The following NFATC3 variants were observed in gnomAD, a reference collection of about 807,000 sequenced individuals.
The protein encoded by NFATC3 is nuclear factor of activated T cells 3.
Under a neutral mutation model 98.6 loss-of-function variants are expected in NFATC3, and 46 were observed. That is an observed-to-expected ratio of 0.47 (90% CI 0.37 to 0.60). The LOEUF is 0.60. Ranked by LOEUF, NFATC3 falls within the 20% of genes least tolerant of loss-of-function variation. The pLI, the probability that NFATC3 is intolerant of heterozygous loss-of-function variation, is 0.00. For synonymous variants in NFATC3, 512 were observed against 472.2 expected (o/e 1.08, Z -1.09); for missense variants, 1,256 against 1,295.5 (o/e 0.97, Z 0.47).
chr16:68,160,270 C>T (rs547928568), intron 4 of NFATC3, among the ~76,000 whole-genome samples: 33 of 151,958 alleles, frequency 2.2e-4, no homozygotes, highest in South Asian at 4.2e-4. Context: ...TCGAGACCAG[C>T]GTGGCCAATA....
chr16:68,139,152 G>A (rs2037614132), intron 3 of NFATC3, among the ~76,000 whole-genome samples: 1 of 152,170 alleles, frequency 6.6e-6, no homozygotes, highest in Non-Finnish European at 1.5e-5. Context: ...TTAGAATATA[G>A]TAAGTGCTAT....
intron 9 of NFATC3, among the ~76,000 whole-genome samples, chr16:68,196,513 A>G (rs1336166668): frequency 6.6e-6 from 1 of 152,184 alleles, no homozygotes; most frequent in Non-Finnish European, 1.5e-5. Flanking sequence ...CTAGAAAAAA[A>G]AGTTCTGCAA....
At chr16:68,165,153 G>A (rs1046836942) in intron 4 of NFATC3, among the ~76,000 whole-genome samples, 2 of 152,048 alleles carry the variant, frequency 1.3e-5, no homozygotes, top group African/African-American at 4.8e-5. Flanking sequence ...ATGTTAACAT[G>A]AATAATCACT....
At chr16:68,183,462 G>C in intron 8 of NFATC3, 96 bp downstream of exon 8, 1 of 1,375,344 alleles carries the variant, frequency 7.3e-7, no homozygotes, top group South Asian at 1.3e-5. Context: ...AAGGTAGAGT[G>C]CTTATAAACA....
intron 8 of NFATC3, among the ~76,000 whole-genome samples, chr16:68,185,606 T>C (rs1043889765): frequency 6.6e-6 from 1 of 151,396 alleles, no homozygotes; most frequent in African/African-American, 2.4e-5. Context: ...CCGGGCGCGG[T>C]GGCTCACACC....
At chr16:68,099,550 G>A (rs1276797176) in intron 1 of NFATC3, among the ~76,000 whole-genome samples, 1 of 151,730 alleles carries the variant, frequency 6.6e-6, no homozygotes, top group Non-Finnish European at 1.5e-5. Flanking sequence ...GCAGTGAGCT[G>A]AGATTGGGCC....
chr16:68,207,527 G>A lies in NFATC3; in HGVS notation c.3106+15752G>A, dbSNP rs192945568. On this transcript the variant is annotated intron_variant, in intron 9 of 9. Transcript: ENST00000346183. ...CACCCAGGCTGGAGTGCAGTGGTGCGATCTGGGCTCACTGAAGTCTCTGCC... is the reference window on the plus strand; with the variant it reads ...CACCCAGGCTGGAGTGCAGTGGTGCAATCTGGGCTCACTGAAGTCTCTGCC... Among the ~76,000 whole-genome samples the A allele has an allele frequency of 8.9e-4, 135 of 152,260 alleles. No individual in the cohort carries two copies. In the East Asian group the frequency reaches 0.012, roughly 13 times the overall value.
At chr16:68,155,206 A>C (rs1047833353) in intron 3 of NFATC3, among the ~76,000 whole-genome samples, 1 of 152,116 alleles carries the variant, frequency 6.6e-6, no homozygotes, top group African/African-American at 2.4e-5. Flanking sequence ...CGGGAATAAA[A>C]CTCACCTGTA....
chr16:68,129,448 C>T (rs1183995735), intron 3 of NFATC3, among the ~76,000 whole-genome samples: 1 of 152,118 alleles, frequency 6.6e-6, no homozygotes, highest in Non-Finnish European at 1.5e-5. Flanking sequence ...AGTTCTTTAT[C>T]AGTCTTTCCC....
chr16:68,086,264 A>G (rs1264542284), intron 1 of NFATC3, among the ~76,000 whole-genome samples: 1 of 152,170 alleles, frequency 6.6e-6, no homozygotes, highest in Non-Finnish European at 1.5e-5. Context: ...TAGAAGAGTA[A>G]TGCTTTCGAG....
intron 4 of NFATC3, among the ~76,000 whole-genome samples, chr16:68,165,688 A>C (rs886140755): frequency 2.0e-5 from 3 of 151,722 alleles, no homozygotes; most frequent in Admixed American, 6.6e-5. Flanking sequence ...GAGCTACTGC[A>C]CCCGGCCGGT....
intron 1 of NFATC3, among the ~76,000 whole-genome samples, chr16:68,121,147 G>C (rs1340463910): frequency 6.6e-6 from 1 of 150,896 alleles, no homozygotes; most frequent in Non-Finnish European, 1.5e-5. Flanking sequence ...TTTGGATAAG[G>C]GATATTCAGC....
chr16:68,086,920 C>A, intron 1 of NFATC3: 1 of 454,828 alleles, frequency 2.2e-6, no homozygotes, highest in Non-Finnish European at 2.9e-6. Context: ...ATAATTTGAG[C>A]ACCTATTACG....
chr16:68,138,622 T>A (rs1270335204), intron 3 of NFATC3: 4 of 1,289,134 alleles, frequency 3.1e-6, no homozygotes, highest in Non-Finnish European at 4.0e-6. Flanking sequence ...TACATTAACC[T>A]GGAAATTACT....
chr16:68,115,648 C>T (rs1419161640), intron 1 of NFATC3, among the ~76,000 whole-genome samples: 2 of 152,144 alleles, frequency 1.3e-5, no homozygotes, highest in Non-Finnish European at 2.9e-5. Context: ...TGGTCTTGGA[C>T]TCCTGATCTC....
In NFATC3 at chr16:68,112,760, G is replaced by A. The variant is rs1194930679; in HGVS notation, c.104-9227G>A. On this transcript the variant is annotated intron_variant, in intron 1 of 9. Coordinates refer to ENST00000346183, the MANE Select transcript of NFATC3 (RefSeq NM_173165.3). ...TGCAAGCTCCGCTTCCTGGGTTCAC[G>A]CCATTCTCCTGCCTCAGCCTCCCGA... 5.5e-5 allele frequency among the ~76,000 whole-genome samples: 8 copies of A among 144,822 alleles called. No individual in the cohort carries two copies. In the South Asian group the frequency reaches 6.8e-4, roughly 12 times the overall value.
chr16:68,218,518 A>G (rs1196308469), intron 9 of NFATC3, among the ~76,000 whole-genome samples: 3 of 149,782 alleles, frequency 2.0e-5, no homozygotes, highest in Non-Finnish European at 4.4e-5. Flanking sequence ...GCCTCTCAAA[A>G]AAAAAAAAAA....
intron 6 of NFATC3, among the ~76,000 whole-genome samples, chr16:68,181,125 T>A (rs1436514819): frequency 6.6e-6 from 1 of 152,204 alleles, no homozygotes; most frequent in Non-Finnish European, 1.5e-5. Context: ...CCACCAACAG[T>A]GTAAAAGTGT....
chr16:68,190,743 T>C, intron 8 of NFATC3, 25 bp from the exon 9 acceptor site: 1 of 1,571,754 alleles, frequency 6.4e-7, no homozygotes, highest in Non-Finnish European at 8.6e-7. Flanking sequence ...TATAATAATA[T>C]TTGCTTTAAT....
Sources: gnomAD v4.1 joint callset for allele counts (sites outside exome capture counted in the v4.1 genomes callset) on GRCh38, gnomAD v4.1.1 for gene constraint, MANE v1.5 for transcripts, NCBI Gene and HGNC (gene_info 2026-07-23, HGNC 2026-07-21) for gene names.